NYAP2: variants seen among roughly 807,000 people sequenced by gnomAD.
NYAP2 encodes the protein neuronal tyrosine-phosphorylated phosphoinositide-3-kinase adaptor 2.
A neutral mutation model predicts 50.4 loss-of-function variants in NYAP2; 23 were observed. That is an observed-to-expected ratio of 0.46 (90% CI 0.33 to 0.65). NYAP2 has a LOEUF of 0.65. Among genes scored for constraint, NYAP2 ranks in the 30% least tolerant of loss-of-function variants. NYAP2 has a pLI of 0.02. For synonymous variants in NYAP2, 394 were observed against 365.2 expected (o/e 1.08, Z -0.90); for missense variants, 885 against 861.0 (o/e 1.03, Z -0.35).
At chr2:225,448,847 G>A (rs902351507) in intron 3 of NYAP2, among the ~76,000 whole-genome samples, 1 of 152,090 alleles carries the variant, frequency 6.6e-6, no homozygotes, top group African/African-American at 2.4e-5. Flanking sequence ...GTTTGCAAAG[G>A]GTGATCTTTA....
intron 5 of NYAP2, among the ~76,000 whole-genome samples, chr2:225,591,488 G>A (rs1692503951): frequency 6.6e-6 from 1 of 152,092 alleles, no homozygotes; most frequent in Admixed American, 6.5e-5. Context: ...AGGCAGCAGT[G>A]CCCAGCCCCT....
chr2:225,501,617 A>T (rs1690610185), intron 3 of NYAP2, among the ~76,000 whole-genome samples: 1 of 151,542 alleles, frequency 6.6e-6, no homozygotes, highest in Non-Finnish European at 1.5e-5. Flanking sequence ...TCCATCATAC[A>T]TTTTTTTTTG....
At chr2:225,664,694 G>A in the NYAP2 span, among the ~76,000 whole-genome samples, 3 of 149,702 alleles carry the variant, frequency 2.0e-5, no homozygotes, top group East Asian at 5.9e-4. Flanking sequence ...CGAACATGGT[G>A]AAACCCCGTC....
the NYAP2 span, among the ~76,000 whole-genome samples, chr2:225,673,737 G>A: frequency 1.3e-5 from 2 of 152,222 alleles, no homozygotes; most frequent in Middle Eastern, 3.4e-3. Flanking sequence ...TAGATCTGCA[G>A]GATAGTCAGA....
intron 4 of NYAP2, among the ~76,000 whole-genome samples, chr2:225,539,521 T>C (rs183038343): frequency 1.6e-3 from 244 of 152,364 alleles, no homozygotes; most frequent in African/African-American, 5.6e-3. Context: ...ATTCCTGACA[T>C]TTTAATGATT....
chr2:225,592,594 G>A (rs1422665015), intron 5 of NYAP2, among the ~76,000 whole-genome samples: 1 of 152,130 alleles, frequency 6.6e-6, no homozygotes, highest in African/African-American at 2.4e-5. Flanking sequence ...GTTAAATAGA[G>A]TATAAGTAAA....
intron 6 of NYAP2, among the ~76,000 whole-genome samples, chr2:225,640,248 C>T (rs1329025912): frequency 6.6e-6 from 1 of 152,190 alleles, no homozygotes; most frequent in Non-Finnish European, 1.5e-5. Context: ...TTTCACCTTT[C>T]CTATACCTAA....
At chr2:225,404,293 C>T (rs151090163) in intron 2 of NYAP2, among the ~76,000 whole-genome samples, 46 of 151,926 alleles carry the variant, frequency 3.0e-4, no homozygotes, top group Non-Finnish European at 5.2e-4. Flanking sequence ...TGGATGGAAG[C>T]AGTAGCAGGA....
At chr2:225,597,126 G>T (rs778118923) in intron 5 of NYAP2, among the ~76,000 whole-genome samples, 2 of 151,976 alleles carry the variant, frequency 1.3e-5, no homozygotes, top group Non-Finnish European at 2.9e-5. Flanking sequence ...TAGATCTGCC[G>T]TCTAACAGCT....
At chr2:225,554,942 C>G (rs552176779) in intron 4 of NYAP2, among the ~76,000 whole-genome samples, 2 of 152,038 alleles carry the variant, frequency 1.3e-5, no homozygotes, top group African/African-American at 2.4e-5. Flanking sequence ...TAAAAAATAA[C>G]AGCTAATGAA....
chr2:225,446,158 G>A (rs1689551007), intron 3 of NYAP2, among the ~76,000 whole-genome samples: 1 of 149,486 alleles, frequency 6.7e-6, no homozygotes. Context: ...TCCAGCCTGG[G>A]CAACAGACTG....
intron 4 of NYAP2, among the ~76,000 whole-genome samples, chr2:225,531,275 G>C (rs1163691239): frequency 6.6e-6 from 1 of 152,110 alleles, no homozygotes; most frequent in Non-Finnish European, 1.5e-5. Flanking sequence ...CTGTGCCCTT[G>C]CTTGTAAAAT....
At chr2:225,576,900 T>C (rs1692178197) in intron 4 of NYAP2, among the ~76,000 whole-genome samples, 1 of 152,196 alleles carries the variant, frequency 6.6e-6, no homozygotes, top group Non-Finnish European at 1.5e-5. Context: ...CTTCGTATTC[T>C]GGGATTCTGT....
chr2:225,672,283 C>T, the NYAP2 span, among the ~76,000 whole-genome samples: 1 of 152,162 alleles, frequency 6.6e-6, no homozygotes, highest in African/African-American at 2.4e-5. Context: ...TAACTTACTG[C>T]TTCACCTTAC....
chr2:225,552,806 G>A (rs1247445947), intron 4 of NYAP2, among the ~76,000 whole-genome samples: 1 of 152,102 alleles, frequency 6.6e-6, no homozygotes, highest in Admixed American at 6.5e-5. Context: ...TTCTTCCTCA[G>A]CCTCCCGAGT....
intron 5 of NYAP2, among the ~76,000 whole-genome samples, chr2:225,621,814 A>G (rs1252996718): frequency 6.6e-6 from 1 of 151,522 alleles, no homozygotes; most frequent in Non-Finnish European, 1.5e-5. Context: ...TGACTGGCTT[A>G]TTTTACTTAT....
chr2:225,506,778 A>G (rs890207552), intron 3 of NYAP2, among the ~76,000 whole-genome samples: 2 of 152,194 alleles, frequency 1.3e-5, no homozygotes, highest in African/African-American at 2.4e-5. Context: ...AACAGGTGAC[A>G]GTGGCCCACC....
chr2:225,697,409 T>C, the NYAP2 span, among the ~76,000 whole-genome samples: 1 of 152,028 alleles, frequency 6.6e-6, no homozygotes, highest in African/African-American at 2.4e-5. Flanking sequence ...CATCAAAAAC[T>C]ATAGCAAAAA....
At chr2:225,586,677 T>C (rs1692394590) in intron 5 of NYAP2, among the ~76,000 whole-genome samples, 1 of 152,222 alleles carries the variant, frequency 6.6e-6, no homozygotes, top group Admixed American at 6.5e-5. Flanking sequence ...ATATTCATTA[T>C]GATTTTGATT....
Sources: gnomAD v4.1 joint callset for allele counts (sites outside exome capture counted in the v4.1 genomes callset) on GRCh38, gnomAD v4.1.1 for gene constraint, MANE v1.5 for transcripts, NCBI Gene and HGNC (gene_info 2026-07-23, HGNC 2026-07-21) for gene names.